Variants in PUDP observed in about 807,000 individuals in gnomAD.
PUDP encodes pseudouridine 5'-phosphatase.
In PUDP, 8 loss-of-function variants were observed where a neutral mutation model predicts 9.4. That is an observed-to-expected ratio of 0.85 (90% confidence interval 0.50 to 1.53). The LOEUF is 1.53. PUDP is among the 40% of genes most tolerant of loss of function. The pLI is 0.00. For missense variants in PUDP, 188 were observed against 189.7 expected (o/e 0.99, Z 0.05); for synonymous variants, 99 against 80.7 (o/e 1.23, Z -1.22).
chrX:6,857,636 G>T (rs1166853524), intron 3 of PUDP, among the ~76,000 whole-genome samples: 1 of 111,066 alleles, frequency 9.0e-6, no homozygotes, highest in Non-Finnish European at 1.9e-5. Flanking sequence ...TTCTTGCTAC[G>T]TTGTCCAGGC....
At chrX:7,131,382 G>C (rs1417280257) in intron 1 of PUDP, among the ~76,000 whole-genome samples, 1 of 110,727 alleles carries the variant, frequency 9.0e-6, no homozygotes, top group Non-Finnish European at 1.9e-5. Context: ...GACCTTTGCA[G>C]ATGTGATTAA....
intron 1 of PUDP, among the ~76,000 whole-genome samples, chrX:7,039,420 C>T (rs1476255444): frequency 2.7e-5 from 3 of 111,962 alleles, no homozygotes; most frequent in Non-Finnish European, 5.6e-5. Flanking sequence ...ACACCCAGTA[C>T]CCGGAATGTG....
At chrX:6,990,760 T>C (rs2146804350) in intron 1 of PUDP, among the ~76,000 whole-genome samples, 1 of 112,465 alleles carries the variant, frequency 8.9e-6, no homozygotes, top group East Asian at 2.8e-4. Flanking sequence ...CTTCCCTTAT[T>C]GAAGGAACGA....
At chrX:6,806,344 T>C (rs752834476) in intron 3 of PUDP, among the ~76,000 whole-genome samples, 17 of 111,930 alleles carry the variant, frequency 1.5e-4, no homozygotes, top group Middle Eastern at 4.6e-3. Flanking sequence ...AATGTATTTA[T>C]TGAGACAATG....
At chrX:6,886,103 C>G (rs1048755647) in intron 3 of PUDP, among the ~76,000 whole-genome samples, 1 of 112,175 alleles carries the variant, frequency 8.9e-6, no homozygotes, top group African/African-American at 3.2e-5. Flanking sequence ...AAATAAACAG[C>G]TCTCCAGAAG....
chrX:7,072,693 A>G (rs1267304065), intron 3 of PUDP, among the ~76,000 whole-genome samples: 1 of 109,310 alleles, frequency 9.1e-6, no homozygotes, highest in Non-Finnish European at 1.9e-5. Context: ...GTGTGCCTGT[A>G]ATCCCAGCTA....
intron 3 of PUDP, among the ~76,000 whole-genome samples, chrX:6,966,910 C>T (rs1031054558): frequency 1.8e-5 from 2 of 111,633 alleles, no homozygotes; most frequent in African/African-American, 6.5e-5. Flanking sequence ...ACAAGGTTCC[C>T]TGATGGTGGC....
intron 1 of PUDP, among the ~76,000 whole-genome samples, chrX:6,714,970 T>C (rs1924582344): frequency 9.8e-6 from 1 of 101,817 alleles, no homozygotes; most frequent in Non-Finnish European, 1.9e-5. Context: ...TATGTGTGTG[T>C]ATGTGTGTGT....
chrX:7,018,611 A>G (rs1425667220), intron 1 of PUDP, among the ~76,000 whole-genome samples: 1 of 112,718 alleles, frequency 8.9e-6, no homozygotes. Context: ...TTCCCATGGA[A>G]CACAATGAGA....
At chrX:7,070,026 T>C (rs1434098376) in intron 3 of PUDP, among the ~76,000 whole-genome samples, 1 of 112,358 alleles carries the variant, frequency 8.9e-6, no homozygotes, top group East Asian at 2.8e-4. Context: ...TCGTTGTATG[T>C]AAATACAAAT....
At chrX:7,115,450 G>T (rs1932167803) in intron 1 of PUDP, among the ~76,000 whole-genome samples, 1 of 112,135 alleles carries the variant, frequency 8.9e-6, no homozygotes, top group Non-Finnish European at 1.9e-5. Flanking sequence ...CCAGCTTTAT[G>T]AAAGATATTG....
At chrX:7,064,562 G>A (rs976717482) in intron 3 of PUDP, among the ~76,000 whole-genome samples, 3 of 111,282 alleles carry the variant, frequency 2.7e-5, no homozygotes, top group African/African-American at 9.8e-5. Flanking sequence ...TCCGTAACCA[G>A]CTGGACAGTC....
At chrX:7,126,270 T>C (rs1483573164) in intron 1 of PUDP, among the ~76,000 whole-genome samples, 1 of 110,967 alleles carries the variant, frequency 9.0e-6, no homozygotes, top group African/African-American at 3.3e-5. Flanking sequence ...TGTAAAAAGA[T>C]GATAGGAGCT....
chrX:7,098,059 G>A (rs1931623532), intron 2 of PUDP, among the ~76,000 whole-genome samples: 2 of 111,294 alleles, frequency 1.8e-5, no homozygotes. Context: ...GGGATTCAGG[G>A]TGAGGACTGG....
At chrX:7,090,869 G>A (rs948064427) in intron 2 of PUDP, among the ~76,000 whole-genome samples, 12 of 111,949 alleles carry the variant, frequency 1.1e-4, no homozygotes, top group African/African-American at 2.9e-4. Flanking sequence ...TGTGCTCCCC[G>A]CCATGTGACA....
At chrX:6,950,491 A>G (rs1928538290) in intron 3 of PUDP, among the ~76,000 whole-genome samples, 1 of 87,543 alleles carries the variant, frequency 1.1e-5, no homozygotes, top group Non-Finnish European at 2.2e-5. Flanking sequence ...GCTCACTGCA[A>G]GCTCCACCTC....
At chrX:6,741,630 T>C (rs1378027701) in intron 3 of PUDP, among the ~76,000 whole-genome samples, 1 of 110,612 alleles carries the variant, frequency 9.0e-6, no homozygotes, top group African/African-American at 3.3e-5. Context: ...GGTAGGTAGA[T>C]AGGGAGGGAG....
intron 3 of PUDP, among the ~76,000 whole-genome samples, chrX:7,068,038 G>A (rs1053221852): frequency 1.8e-5 from 2 of 111,625 alleles, no homozygotes; most frequent in African/African-American, 3.3e-5. Context: ...CTGTGAGTCC[G>A]TTAAACCTCT....
chrX:6,932,678 T>C (rs1007910474), intron 3 of PUDP, among the ~76,000 whole-genome samples: 1 of 111,876 alleles, frequency 8.9e-6, no homozygotes, highest in African/African-American at 3.2e-5. Context: ...ATTGCCTCAC[T>C]TGGGAAGCGC....
Sources: gnomAD v4.1 joint callset for allele counts (sites outside exome capture counted in the v4.1 genomes callset) on GRCh38, gnomAD v4.1.1 for gene constraint, MANE v1.5 for transcripts, NCBI Gene and HGNC (gene_info 2026-07-23, HGNC 2026-07-21) for gene names.